The following SGCZ variants were observed in gnomAD, a reference collection of about 807,000 sequenced individuals.
SGCZ encodes zeta-sarcoglycan.
SGCZ carries 40 observed loss-of-function variants against 41.3 expected under a neutral mutation model. That is an observed-to-expected ratio of 0.97 (90% CI 0.75 to 1.26). The LOEUF (loss-of-function observed/expected upper bound fraction) is 1.26. Among genes scored for constraint, SGCZ ranks in the 50% most tolerant of loss-of-function variants. The probability of loss-of-function intolerance (pLI) is 0.00; values close to 1 mark genes in which losing one functional copy is unlikely to be tolerated. For synonymous variants in SGCZ, 206 were observed against 137.5 expected (o/e 1.50, Z -3.49); for missense variants, 552 against 369.8 (o/e 1.49, Z -4.04).
intron 1 of SGCZ, among the ~76,000 whole-genome samples, chr8:15,209,868 G>A (rs1428762358): frequency 6.6e-6 from 1 of 152,066 alleles, no homozygotes; most frequent in African/African-American, 2.4e-5. Flanking sequence ...TAATCATGGG[G>A]GCTTCTCCAA....
chr8:15,151,967 C>T (rs1277664040), intron 1 of SGCZ, among the ~76,000 whole-genome samples: 2 of 152,090 alleles, frequency 1.3e-5, no homozygotes, highest in Non-Finnish European at 1.5e-5. Flanking sequence ...AACGACCTGA[C>T]GTGATATTAA....
At chr8:14,962,670 T>G (rs538410740) in intron 1 of SGCZ, among the ~76,000 whole-genome samples, 1 of 152,294 alleles carries the variant, frequency 6.6e-6, no homozygotes, top group East Asian at 1.9e-4. Flanking sequence ...ACTAATCATT[T>G]AAGTAAATGC....
intron 2 of SGCZ, among the ~76,000 whole-genome samples, chr8:14,339,078 G>C (rs536126275): frequency 6.6e-5 from 10 of 150,952 alleles, no homozygotes; most frequent in African/African-American, 1.9e-4. Flanking sequence ...TATTCATGTT[G>C]ACAACTATAA....
chr8:14,261,018 A>G (rs200840271), intron 3 of SGCZ, among the ~76,000 whole-genome samples: 6,028 of 152,264 alleles, frequency 0.04, 214 homozygotes, highest in East Asian at 0.17. Context: ...TAGTGGGTGC[A>G]GTGCACCAGC....
chr8:14,731,100 G>A (rs1219372763), intron 1 of SGCZ, among the ~76,000 whole-genome samples: 3 of 151,798 alleles, frequency 2.0e-5, no homozygotes, highest in African/African-American at 7.3e-5. Flanking sequence ...GTTTATTGTG[G>A]CACTGTTCAT....
chr8:14,125,871 G>T (rs1022354702), intron 5 of SGCZ, among the ~76,000 whole-genome samples: 1 of 152,144 alleles, frequency 6.6e-6, no homozygotes, highest in Admixed American at 6.5e-5. Flanking sequence ...CAAGCAATGG[G>T]AAAAGGATTC....
At chr8:14,236,434 C>T (rs1036272705) in intron 4 of SGCZ, among the ~76,000 whole-genome samples, 2 of 151,646 alleles carry the variant, frequency 1.3e-5, no homozygotes, top group African/African-American at 2.4e-5. Context: ...TTTTTGGGTT[C>T]ATCAAAACAA....
In SGCZ at chr8:14,131,580, G is replaced by A. The variant is rs533766598; in HGVS notation, c.548-23345C>T. Among the ~76,000 whole-genome samples the A allele has an allele frequency of 2.4e-4, 36 of 151,896 alleles. No homozygotes were observed. The South Asian group carries it at 3.9e-3, about 17-fold the overall frequency. On this transcript the variant is annotated intron_variant, in intron 5 of 7. Transcript: ENST00000382080. Reference sequence around the variant, plus strand: ...ACATTCCCTTTTTGTCTTTGTTTTTGCCAGCTTGATTAAAAAGTGTCTTGT... The same window carrying A: ...ACATTCCCTTTTTGTCTTTGTTTTTACCAGCTTGATTAAAAAGTGTCTTGT...
intron 2 of SGCZ, among the ~76,000 whole-genome samples, chr8:14,442,796 T>C (rs1800310448): frequency 6.6e-6 from 1 of 152,214 alleles, no homozygotes; most frequent in African/African-American, 2.4e-5. Flanking sequence ...AAACTAAATT[T>C]GTTTTATTGT....
At chr8:14,204,859 A>C (rs1281485943) in intron 4 of SGCZ, among the ~76,000 whole-genome samples, 1 of 152,092 alleles carries the variant, frequency 6.6e-6, no homozygotes, top group Non-Finnish European at 1.5e-5. Context: ...CCTCCATCTG[A>C]TAGTTACGTC....
chr8:14,919,810 C>G (rs965622007), intron 1 of SGCZ, among the ~76,000 whole-genome samples: 1 of 151,918 alleles, frequency 6.6e-6, no homozygotes, highest in Admixed American at 6.6e-5. Context: ...CCCAGCTACT[C>G]GGGAAACTGG....
intron 1 of SGCZ, among the ~76,000 whole-genome samples, chr8:15,093,267 A>G (rs1388683264): frequency 6.6e-6 from 1 of 152,238 alleles, no homozygotes; most frequent in African/African-American, 2.4e-5. Flanking sequence ...ACACACTTGT[A>G]AGCATTAGCC....
At chr8:14,235,545 T>C (rs566797197) in intron 4 of SGCZ, among the ~76,000 whole-genome samples, 7 of 152,320 alleles carry the variant, frequency 4.6e-5, no homozygotes, top group Admixed American at 4.6e-4. Flanking sequence ...CACTAAATTC[T>C]TTATTTCCTG....
chr8:14,931,976 T>C (rs1467307013), intron 1 of SGCZ, among the ~76,000 whole-genome samples: 1 of 152,004 alleles, frequency 6.6e-6, no homozygotes. Context: ...ATGTTAAAAG[T>C]GAGTCCTGCA....
chr8:14,830,494 C>G (rs751035853), intron 1 of SGCZ, among the ~76,000 whole-genome samples: 1 of 151,928 alleles, frequency 6.6e-6, no homozygotes, highest in African/African-American at 2.4e-5. Context: ...CTACATATAC[C>G]TATTAGAATA....
chr8:14,260,486 T>C (rs1422029368), intron 3 of SGCZ, among the ~76,000 whole-genome samples: 6 of 146,728 alleles, frequency 4.1e-5, no homozygotes, highest in African/African-American at 1.5e-4. Flanking sequence ...GGAACACTTT[T>C]ACACTGTTGG....
At chr8:14,476,884 A>G (rs1208529057) in intron 2 of SGCZ, among the ~76,000 whole-genome samples, 2 of 152,168 alleles carry the variant, frequency 1.3e-5, no homozygotes, top group African/African-American at 2.4e-5. Context: ...TCAGAAAGAG[A>G]CAGACATTCA....
chr8:14,794,230 A>T (rs1413711566), intron 1 of SGCZ, among the ~76,000 whole-genome samples: 2 of 152,212 alleles, frequency 1.3e-5, no homozygotes, highest in African/African-American at 2.4e-5. Flanking sequence ...GAAGGTAAAA[A>T]ATAATATGCA....
intron 1 of SGCZ, among the ~76,000 whole-genome samples, chr8:14,990,773 G>C (rs935955131): frequency 6.6e-6 from 1 of 152,154 alleles, no homozygotes; most frequent in African/African-American, 2.4e-5. Context: ...AACTCGGTCT[G>C]TGGAAAAATT....
Sources: gnomAD v4.1 joint callset for allele counts (sites outside exome capture counted in the v4.1 genomes callset) on GRCh38, gnomAD v4.1.1 for gene constraint, MANE v1.5 for transcripts, NCBI Gene and HGNC (gene_info 2026-07-23, HGNC 2026-07-21) for gene names.